The following PLA2G6 variants were observed in gnomAD, a reference collection of about 807,000 sequenced individuals.
The protein encoded by PLA2G6 is phospholipase A2 group VI.
A neutral mutation model predicts 83.8 loss-of-function variants in PLA2G6; 62 were observed. The observed-to-expected ratio is 0.74, with a 90% CI of 0.60 to 0.91. The LOEUF (loss-of-function observed/expected upper bound fraction) is 0.91. Among genes scored for constraint, PLA2G6 ranks in the 40% least tolerant of loss-of-function variants. The probability of loss-of-function intolerance (pLI) is 0.00; values close to 1 mark genes in which losing one functional copy is unlikely to be tolerated. For synonymous variants in PLA2G6, 417 were observed against 449.8 expected (o/e 0.93, Z 0.92); for missense variants, 944 against 1,102.0 (o/e 0.86, Z 2.03).
intron 1 of PLA2G6, among the ~76,000 whole-genome samples, chr22:38,172,781 T>C (rs2090485360): frequency 6.6e-6 from 1 of 152,154 alleles, no homozygotes; most frequent in Admixed American, 6.5e-5. Flanking sequence ...TCACCAGGGG[T>C]GCAGTGAAAT....
At chr22:38,121,103 C>G (rs1349207908) in intron 11 of PLA2G6, 194 bp from the exon 12 acceptor site, 1 of 585,148 alleles carries the variant, frequency 1.7e-6, no homozygotes, top group Non-Finnish European at 3.0e-6. Context: ...TCCGGCTGGA[C>G]ATGGTGGCTC....
chr22:38,142,879 G>A (rs759113705), intron 4 of PLA2G6: 58 of 625,228 alleles, frequency 9.3e-5, no homozygotes, highest in Non-Finnish European at 1.4e-4. Context: ...GTTGGAGGCC[G>A]TCCCCAGGTT....
At chr22:38,174,536 A>C (rs2090559085) in intron 1 of PLA2G6, among the ~76,000 whole-genome samples, 1 of 152,202 alleles carries the variant, frequency 6.6e-6, no homozygotes, top group African/African-American at 2.4e-5. Flanking sequence ...CAACAGAGAG[A>C]CCCAAGACCA....
Position 38,115,571 on chromosome 22 carries a change from C to T in PLA2G6, c.1990G>A (p.Ala664Thr). 1.2e-6 allele frequency: 2 copies of T among 1,613,634 alleles called. No individual in the cohort carries two copies. Among genetic ancestry groups the T allele is most frequent in the Non-Finnish European group, 1.7e-6 (2 of 1,179,940 alleles). ...GLLANNPTLD[A>T]MTEIHEYNQD... ...TTGTACTCATGGATCTCGGTCATGG[C>T]ATCCAGCGTGGGGTTGTTGGCCAGC... The change falls in exon 14 of 17, where the codon GCC (alanine) becomes ACC (threonine). Residue 664 changes from alanine (A) to threonine (T), a missense_variant. Physicochemically the swap from Ala to Thr is moderately conservative, Grantham distance 58 (BLOSUM62 0). Transcript: ENST00000332509.
intron 2 of PLA2G6, among the ~76,000 whole-genome samples, chr22:38,164,590 G>A (rs553167649): frequency 2.6e-5 from 4 of 152,278 alleles, no homozygotes; most frequent in South Asian, 2.1e-4. Context: ...GGGACTCTCC[G>A]GCCTTAGGTT....
intron 2 of PLA2G6, among the ~76,000 whole-genome samples, chr22:38,156,116 A>T (rs1258648088): frequency 6.6e-6 from 1 of 152,254 alleles, no homozygotes; most frequent in Non-Finnish European, 1.5e-5. Flanking sequence ...CAATTCAGCA[A>T]GATAATGTAA....
chr22:38,172,256 G>C (rs560378553), intron 1 of PLA2G6, among the ~76,000 whole-genome samples: 3 of 152,130 alleles, frequency 2.0e-5, no homozygotes, highest in African/African-American at 7.2e-5. Flanking sequence ...GTAAAGTCAC[G>C]GGCCCAGGGT....
At chr22:38,113,465 T>TG in intron 15 of PLA2G6, 22 bp downstream of exon 15, 1 of 1,613,030 alleles carries the variant, frequency 6.2e-7, no homozygotes, top group Non-Finnish European at 8.5e-7. Context: ...GGAAGTGGCC[T>TG]GGGGGAGGGG....
rs200117092 is a variant in PLA2G6 at position 38,116,119 on chromosome 22, C to T, written c.1835G>A (p.Arg612His). Reference protein sequence around the residue: ...YDAPETVREPRFNQNVNLRPP... With the variant: ...YDAPETVREPHFNQNVNLRPP... ...CCTGAGGTTAACGTTCTGGTTGAAA[C>T]GAGGCTCCCGGACAGTTTCTGGAGC... Residue 612 changes from arginine to histidine, a missense_variant, in exon 13 of 17, where the codon CGT becomes CAT. Physicochemically the swap from Arg to His is conservative, Grantham distance 29. Coordinates refer to ENST00000332509, the MANE Select transcript of PLA2G6 (RefSeq NM_003560.4). 2.5e-5 allele frequency: 41 copies of T among 1,614,060 alleles called. No homozygotes were observed. The highest frequency in any genetic ancestry group is 3.3e-5 in the Non-Finnish European group (39 of 1,180,004).
intron 7 of PLA2G6, chr22:38,131,347 T>A (rs1407560296): frequency 1.3e-5 from 2 of 152,048 alleles, no homozygotes; most frequent in African/African-American, 2.4e-5. Flanking sequence ...TTTAAAAAAT[T>A]TTTAATTTTA....
Position 38,112,188 on chromosome 22 carries a change from C to T in PLA2G6, c.2394G>A (p.Lys798=), listed in dbSNP as rs764039953. Residue 798 remains lysine (K), a synonymous_variant, in exon 17 of 17, where the codon AAG becomes AAA. Coordinates refer to ENST00000332509, the MANE Select transcript of PLA2G6 (RefSeq NM_003560.4). ...AGGGTGAGAGCAGCAGCTGGATGAG[C>T]TTCTGGAACTCCTCGCGGTGCTCAT... ...YIYEHREEFQ[K]LIQLLLSP The T allele has an allele frequency of 1.3e-6, 2 of 1,597,302 alleles. No individual in the cohort carries two copies. The highest frequency in any genetic ancestry group is 1.1e-5 in the South Asian group (1 of 88,252).
chr22:38,132,985 C>T lies in PLA2G6; in HGVS notation c.923G>A (p.Cys308Tyr). Reference protein sequence around the residue: ...EMARMLLKRGCNVNSTSSAGN... With the variant: ...EMARMLLKRGYNVNSTSSAGN... The stretch of plus-strand genomic sequence containing the variant: ...CGCGGAGCTGGTGCTGTTCACGTTG[C>T]AGCCCCGTTTCAGCAGCATGCGGGC... The change falls in exon 7 of 17, where the codon TGC becomes TAC. Residue 308 changes from cysteine (C) to tyrosine (Y), a missense_variant. Cys to Tyr is a radical substitution (Grantham distance 194, BLOSUM62 -2). Coordinates refer to ENST00000332509, the MANE Select transcript of PLA2G6 (RefSeq NM_003560.4). This position sits in a 1 kb window ranked among gnomAD's most constrained non-coding sequence, Gnocchi z 5.0. 1 of 1,567,694 alleles carries T rather than the reference C, an allele frequency of 6.4e-7. No homozygotes were observed. Among genetic ancestry groups the T allele is most frequent in the Non-Finnish European group, 8.6e-7 (1 of 1,156,966 alleles).
At chr22:38,160,779 A>T (rs2089978498) in intron 2 of PLA2G6, among the ~76,000 whole-genome samples, 1 of 152,126 alleles carries the variant, frequency 6.6e-6, no homozygotes, top group African/African-American at 2.4e-5. Context: ...CAGGAGGCAG[A>T]GCTTGCAGTA....
At position 38,116,166 on chromosome 22, in the gene PLA2G6, G is replaced by A. The variant is rs2087180953; in HGVS notation, c.1788C>T (p.Leu596=). 2.5e-6 allele frequency: 4 copies of A among 1,613,754 alleles called. No homozygotes were observed. In the Admixed American group the frequency reaches 5.0e-5, roughly 20 times the overall value. The change falls in exon 13 of 17, where the codon CTC becomes CTT. Residue 596 remains leucine (L), a synonymous_variant. Coordinates refer to ENST00000332509, the MANE Select transcript of PLA2G6 (RefSeq NM_003560.4). ...GTLSDRQPAE[L]HLFRNYDAPE... Reference sequence around the variant, plus strand: ...GAGCATCGTAGTTCCGGAAGAGGTGGAGTTCAGCCGGCTGCCGGTCAGACA... The same window carrying A: ...GAGCATCGTAGTTCCGGAAGAGGTGAAGTTCAGCCGGCTGCCGGTCAGACA...
intron 10 of PLA2G6, 68 bp downstream of exon 10, chr22:38,126,303 C>T (rs535507569): frequency 8.2e-7 from 1 of 1,219,620 alleles, no homozygotes; most frequent in Non-Finnish European, 1.2e-6. Context: ...GAGCCCACAA[C>T]AGGGGGTGGG....
chr22:38,171,428 C>G (rs1317550591), intron 1 of PLA2G6, among the ~76,000 whole-genome samples: 1 of 152,162 alleles, frequency 6.6e-6, no homozygotes, highest in African/African-American at 2.4e-5. Context: ...GTGGCTCAAT[C>G]ATGGCTCACT....
At position 38,135,039 on chromosome 22, in the gene PLA2G6, G is replaced by A; in HGVS notation, c.843C>T (p.Ser281=). 6.8e-7 allele frequency: 1 copy of A among 1,467,932 alleles called. No homozygotes were observed. Among genetic ancestry groups the A allele is most frequent in the South Asian group, 1.1e-5 (1 of 89,378 alleles). The allele number at this position is 1,467,932 out of a possible 1,614,324, so 90.9% of individuals were successfully genotyped here. A position where few individuals can be genotyped will look rare whatever the true frequency, so the allele number is the denominator to read the frequency against. ...GGCTGGCTCCGTAACGGGGGTCTTTGCTGTGGATCTGGCTGCTGTCCATGC... is the reference window on the plus strand; with the variant it reads ...GGCTGGCTCCGTAACGGGGGTCTTTACTGTGGATCTGGCTGCTGTCCATGC... ...IISMDSSQIH[S]KDPRYGASPL... is the part of the protein sequence containing the mutation. Residue 281 remains serine, a synonymous_variant, in exon 6 of 17, where the codon AGC becomes AGT. Coordinates refer to ENST00000332509, the MANE Select transcript of PLA2G6 (RefSeq NM_003560.4).
rs1398609284 is a variant in PLA2G6 at position 38,128,299 on chromosome 22, G to C, written c.1318C>G (p.Gln440Glu). The C allele has an allele frequency of 4.3e-6, 7 of 1,612,836 alleles. No individual in the cohort carries two copies. The highest frequency in any genetic ancestry group is 5.1e-6 in the Non-Finnish European group (6 of 1,180,014). Residue 440 changes from glutamine (Q) to glutamate (E), a missense_variant, in exon 9 of 17, where the codon CAG becomes GAG. Gln to Glu is a conservative substitution (Grantham distance 29, BLOSUM62 2). Transcript: ENST00000332509. This position sits in a 1 kb window ranked among gnomAD's most constrained non-coding sequence, Gnocchi z 4.4. The stretch of plus-strand genomic sequence containing the variant: ...TTGTTTAGGCTGATCGGTGGGGGCT[G>C]AGCTCTTTCCAGGGAGAAGGGATGA... ...PHHPFSLERA[Q>E]PPPISLNNLE...
At chr22:38,169,121 G>C in intron 2 of PLA2G6, 97 bp downstream of exon 2, 1 of 948,282 alleles carries the variant, frequency 1.1e-6, no homozygotes, top group Non-Finnish European at 1.7e-6. Context: ...CCCTCAGACA[G>C]AGACTCAAAG....
Sources: allele counts gnomAD v4.1 joint callset (sites outside exome capture counted in the v4.1 genomes callset), GRCh38; gene constraint gnomAD v4.1.1; non-coding constraint Gnocchi (gnomAD v3.1); transcripts MANE v1.5; gene names NCBI Gene and HGNC (gene_info 2026-07-23, HGNC 2026-07-21).